The following DIAPH1 variants were observed in gnomAD, a reference collection of about 807,000 sequenced individuals.
DIAPH1 encodes the protein protein diaphanous homolog 1.
A neutral mutation model predicts 140.7 loss-of-function variants in DIAPH1; 46 were observed. The ratio of observed to expected loss-of-function variants is 0.33; its 90% confidence interval spans 0.26 to 0.42. DIAPH1 has a LOEUF of 0.42. Ranked by LOEUF, DIAPH1 falls within the 10% of genes least tolerant of loss-of-function variation. The pLI is 1.00. For synonymous variants in DIAPH1, 565 were observed against 551.6 expected (o/e 1.02, Z -0.34); for missense variants, 1,310 against 1,558.7 (o/e 0.84, Z 2.69).
At chr5:141,612,018 G>C (rs2099901925) in intron 1 of DIAPH1, among the ~76,000 whole-genome samples, 1 of 152,172 alleles carries the variant, frequency 6.6e-6, no homozygotes, top group Non-Finnish European at 1.5e-5. Flanking sequence ...GGTAAGCCGA[G>C]ATTATGCCAC....
chr5:141,552,009 T>C (rs1038957440), intron 18 of DIAPH1, among the ~76,000 whole-genome samples: 10 of 152,152 alleles, frequency 6.6e-5, no homozygotes, highest in African/African-American at 2.4e-4. Flanking sequence ...GAAAATTCCA[T>C]GTGGTAGACA....
chr5:141,576,156 C>G, intron 14 of DIAPH1, 74 bp downstream of exon 14: 1 of 1,276,674 alleles, frequency 7.8e-7, no homozygotes, highest in South Asian at 1.2e-5. Context: ...GGAAAACTGT[C>G]TCATAGATCA....
intron 1 of DIAPH1, 27 bp downstream of exon 1, chr5:141,618,771 C>A (rs778563542): frequency 6.7e-7 from 1 of 1,502,696 alleles, no homozygotes; most frequent in South Asian, 1.2e-5. Context: ...CGGGGCCAGG[C>A]AGGAGCGGGA....
chr5:141,571,489 G>A (rs1305447751), intron 17 of DIAPH1, 53 bp from the exon 18 acceptor site: 29 of 1,537,958 alleles, frequency 1.9e-5, no homozygotes, highest in Non-Finnish European at 2.6e-5. Flanking sequence ...GGAAAGAAAT[G>A]GAAGGAAGAA....
intron 16 of DIAPH1, 104 bp from the exon 17 acceptor site, chr5:141,572,144 C>T (rs2099895275): frequency 2.6e-6 from 2 of 780,726 alleles, no homozygotes; most frequent in Admixed American, 3.9e-5. Flanking sequence ...TGATTATCAG[C>T]AATGTCTTAC....
At position 141,582,352 on chromosome 5, in the gene DIAPH1, T is replaced by A; in HGVS notation, c.644A>T (p.His215Leu). ...TAGSYDSRNK[H>L]EIIRCLKAFM... The stretch of plus-strand genomic sequence containing the variant: ...AGCTTTCAAGCAGCGAATGATCTCA[T>A]GCTTGTTCCGGCTATCGTAACTCCT... Residue 215 changes from histidine (H) to leucine (L), a missense_variant, in exon 7 of 28, where the codon CAT becomes CTT. His to Leu is a moderately conservative substitution (Grantham distance 99, BLOSUM62 -3). Coordinates refer to ENST00000389054, the MANE Select transcript of DIAPH1 (RefSeq NM_005219.5). 6.2e-7 allele frequency: 1 copy of A among 1,613,988 alleles called. No homozygotes were observed. The highest frequency in any genetic ancestry group is 2.2e-5 in the East Asian group (1 of 44,862).
chr5:141,572,434 G>A (rs2099895327), intron 16 of DIAPH1, among the ~76,000 whole-genome samples: 1 of 152,024 alleles, frequency 6.6e-6, no homozygotes, highest in Non-Finnish European at 1.5e-5. Context: ...TTGGTTTCTA[G>A]AAGAAAAAGG....
chr5:141,537,302 G>C (rs2099889177), intron 18 of DIAPH1, among the ~76,000 whole-genome samples: 1 of 151,636 alleles, frequency 6.6e-6, no homozygotes, highest in Non-Finnish European at 1.5e-5. Flanking sequence ...TGACCAACAT[G>C]AAGAAACCCT....
intron 18 of DIAPH1, among the ~76,000 whole-genome samples, chr5:141,569,857 A>G (rs1428411394): frequency 1.3e-5 from 2 of 152,206 alleles, no homozygotes; most frequent in Non-Finnish European, 1.5e-5. Context: ...ACTGAAGTAA[A>G]GTATACTTGC....
At chr5:141,536,844 A>G (rs2099889099) in intron 18 of DIAPH1, among the ~76,000 whole-genome samples, 1 of 152,120 alleles carries the variant, frequency 6.6e-6, no homozygotes, top group South Asian at 2.1e-4. Context: ...AGAGCAGGAG[A>G]TGAAGTGAGA....
intron 1 of DIAPH1, among the ~76,000 whole-genome samples, chr5:141,591,695 G>GAGATATATATATATATATATATATAT (rs1212743856): frequency 1.4e-4 from 12 of 86,352 alleles, no homozygotes; most frequent in South Asian, 4.3e-4. Context: ...GGGAGATGGG[G>GAGATATATATATATATATATATATAT]ATATATATAT....
intron 8 of DIAPH1, 48 bp from the exon 9 acceptor site, chr5:141,579,244 C>G (rs370857221): frequency 5.8e-5 from 80 of 1,386,232 alleles, no homozygotes; most frequent in Non-Finnish European, 8.1e-5. Context: ...TACTGTGACA[C>G]GGACACGTAT....
At chr5:141,567,220 G>T (rs1184295986) in intron 18 of DIAPH1, among the ~76,000 whole-genome samples, 3 of 152,194 alleles carry the variant, frequency 2.0e-5, no homozygotes, top group African/African-American at 7.2e-5. Flanking sequence ...AAAGAAAATG[G>T]TGATGGAAAG....
At chr5:141,557,555 C>A (rs975179920) in intron 18 of DIAPH1, among the ~76,000 whole-genome samples, 6 of 152,078 alleles carry the variant, frequency 3.9e-5, no homozygotes, top group African/African-American at 1.4e-4. Flanking sequence ...GAAAGGGGTT[C>A]CTTTTTTTCT....
At chr5:141,557,480 T>TA (rs56178659) in intron 18 of DIAPH1, among the ~76,000 whole-genome samples, 1 of 152,174 alleles carries the variant, frequency 6.6e-6, no homozygotes, top group Non-Finnish European at 1.5e-5. Context: ...TAACATTTTT[T>TA]AAAAAAATTC....
chr5:141,576,641 A>C, intron 13 of DIAPH1, 115 bp downstream of exon 13: 1 of 798,822 alleles, frequency 1.3e-6, no homozygotes, highest in Non-Finnish European at 2.2e-6. Flanking sequence ...AAAGGACAAA[A>C]ATAGAACTAT....
chr5:141,542,524 G>A (rs2099890157), intron 18 of DIAPH1, among the ~76,000 whole-genome samples: 1 of 151,940 alleles, frequency 6.6e-6, no homozygotes, highest in Non-Finnish European at 1.5e-5. Flanking sequence ...GCCATAAAAA[G>A]TAATGAGCTA....
intron 1 of DIAPH1, among the ~76,000 whole-genome samples, chr5:141,612,045 C>G (rs1026641141): frequency 3.3e-5 from 5 of 151,928 alleles, no homozygotes; most frequent in African/African-American, 1.2e-4. Flanking sequence ...CCAGCCTGAG[C>G]GACGAGAGTG....
chr5:141,607,786 T>C (rs1251833827), intron 1 of DIAPH1, among the ~76,000 whole-genome samples: 1 of 152,206 alleles, frequency 6.6e-6, no homozygotes, highest in African/African-American at 2.4e-5. Flanking sequence ...TCATGAATTC[T>C]TTCCCTCTCT....
Sources: gnomAD v4.1 joint callset for allele counts (sites outside exome capture counted in the v4.1 genomes callset) on GRCh38, gnomAD v4.1.1 for gene constraint, MANE v1.5 for transcripts, NCBI Gene and HGNC (gene_info 2026-07-23, HGNC 2026-07-21) for gene names.